STXBP5: variants seen among roughly 807,000 people sequenced by gnomAD.
The protein encoded by STXBP5 is syntaxin binding protein 5.
STXBP5 carries 50 observed loss-of-function variants against 152.4 expected under a neutral mutation model. That is an observed-to-expected ratio of 0.33 (90% confidence interval 0.26 to 0.42). STXBP5 has a LOEUF of 0.42. Ranked by LOEUF, STXBP5 falls within the 10% of genes least tolerant of loss-of-function variation. The pLI, the probability that STXBP5 is intolerant of heterozygous loss-of-function variation, is 1.00. For synonymous variants in STXBP5, 492 were observed against 494.7 expected (o/e 0.99, Z 0.07); for missense variants, 1,167 against 1,388.6 (o/e 0.84, Z 2.54).
At chr6:147,215,501 C>A (rs942085179) in intron 2 of STXBP5, among the ~76,000 whole-genome samples, 10 of 152,202 alleles carry the variant, frequency 6.6e-5, no homozygotes, top group African/African-American at 2.2e-4. Context: ...CCACCTCAGT[C>A]CCCCAAGTAG....
rs954521274 is a variant in STXBP5, at chr6:147,370,721, A to C, written c.3082-3010A>C. ...CACCTCAGGATTATAATTTATAAAC[A>C]AAACCCCAAGTAATCACTGTAAACA... On this transcript the variant is annotated intron_variant, in intron 25 of 27. Coordinates refer to ENST00000321680, the MANE Select transcript of STXBP5 (RefSeq NM_001127715.4). 5.3e-5 allele frequency among the ~76,000 whole-genome samples: 8 copies of C among 152,106 alleles called. 1 individual carries two copies. Among genetic ancestry groups the C allele is most frequent in the Admixed American group, 1.3e-4 (2 of 15,270 alleles).
chr6:147,358,469 T>A lies in STXBP5; in HGVS notation c.2306-615T>A, dbSNP rs568423759. Among the ~76,000 whole-genome samples, 209 of 152,248 alleles carry A rather than the reference T, an allele frequency of 1.4e-3. 1 individual carries two copies. The highest frequency in any genetic ancestry group is 4.7e-3 in the African/African-American group (195 of 41,546). On this transcript the variant is annotated intron_variant, in intron 22 of 27. Coordinates refer to ENST00000321680, the MANE Select transcript of STXBP5 (RefSeq NM_001127715.4). ...TTCTGAGGAGTGTGGAGTTGTTTGT[T>A]TGTATATTAAGAAAAAGGGAAAATT...
intron 18 of STXBP5, among the ~76,000 whole-genome samples, chr6:147,332,791 C>T (rs1355208744): frequency 6.6e-6 from 1 of 152,130 alleles, no homozygotes; most frequent in Non-Finnish European, 1.5e-5. Flanking sequence ...AAACTAAATC[C>T]TCTCTATCCA....
At chr6:147,326,266 A>G (rs571917171) in intron 17 of STXBP5, among the ~76,000 whole-genome samples, 2 of 152,244 alleles carry the variant, frequency 1.3e-5, no homozygotes, top group Non-Finnish European at 2.9e-5. Context: ...AATAAGAAAA[A>G]GAACCAATAG....
At chr6:147,300,003 T>C (rs1350051220) in intron 9 of STXBP5, among the ~76,000 whole-genome samples, 1 of 152,004 alleles carries the variant, frequency 6.6e-6, no homozygotes, top group Admixed American at 6.6e-5. Context: ...GTCAGTAACA[T>C]TTCTATATGC....
chr6:147,322,164 T>A lies in STXBP5; in HGVS notation c.1803-2795T>A, dbSNP rs578149991. On this transcript the variant is annotated intron_variant, in intron 16 of 27. Transcript: ENST00000321680. ...GGAGGACACTTCCTTGACCCTAACC[T>A]TCTATACCTAATTCATAGAAGTAGA... Among the ~76,000 whole-genome samples the A allele has an allele frequency of 6.3e-3, 957 of 152,266 alleles. 5 individuals are homozygous for A. The highest frequency in any genetic ancestry group is 9.6e-3 in the Non-Finnish European group (655 of 68,012).
rs934048320 is a variant in STXBP5 at position 147,310,387 on chromosome 6, T to G, written c.1072+149T>G. ...CTGCATTCATAATCTACAAACTTTA[T>G]TTCAGAAGTGGTTTAATAAATTTAA... On this transcript the variant is annotated intron_variant, in intron 10 of 27. Transcript: ENST00000321680. The G allele has an allele frequency of 7.0e-6, 4 of 570,066 alleles. No individual in the cohort carries two copies. The African/African-American group carries it at 7.8e-5, about 11-fold the overall frequency. The allele number at this position is 570,066 out of a possible 1,614,324, so 35.3% of individuals were successfully genotyped here. A position where few individuals can be genotyped will look rare whatever the true frequency, so the allele number is the denominator to read the frequency against.
At chr6:147,355,594 A>G (rs573793641) in intron 22 of STXBP5, among the ~76,000 whole-genome samples, 6 of 152,268 alleles carry the variant, frequency 3.9e-5, no homozygotes, top group Non-Finnish European at 8.8e-5. Flanking sequence ...CCTAACAGAA[A>G]GTTTTAGACT....
chr6:147,244,712 C>T (rs371629514), intron 4 of STXBP5, among the ~76,000 whole-genome samples: 5 of 152,076 alleles, frequency 3.3e-5, no homozygotes, highest in African/African-American at 1.2e-4. Context: ...TAATTTGAAG[C>T]ATTTGTAGTG....
chr6:147,311,655 G>T (rs1413174958), intron 11 of STXBP5, 128 bp downstream of exon 11: 1 of 644,416 alleles, frequency 1.6e-6, no homozygotes, highest in African/African-American at 1.9e-5. Context: ...GACCTCTTTT[G>T]AGAGCTCCAG....
At chr6:147,278,693 C>T (rs1311580308) in intron 8 of STXBP5, among the ~76,000 whole-genome samples, 1 of 152,024 alleles carries the variant, frequency 6.6e-6, no homozygotes, top group Non-Finnish European at 1.5e-5. Flanking sequence ...CAGGACTCAG[C>T]ATATAGTCAT....
chr6:147,246,911 C>T (rs2115254221), intron 4 of STXBP5, among the ~76,000 whole-genome samples: 1 of 152,268 alleles, frequency 6.6e-6, no homozygotes, highest in South Asian at 2.1e-4. Flanking sequence ...AATGAGTTGA[C>T]ACCCTAGCAT....
At chr6:147,338,586 C>T (rs1207576288) in intron 19 of STXBP5, among the ~76,000 whole-genome samples, 2 of 151,714 alleles carry the variant, frequency 1.3e-5, no homozygotes, top group Non-Finnish European at 2.9e-5. Context: ...TATTGGGAGT[C>T]ACAGCCAAAA....
chr6:147,361,087 T>C (rs9322098), intron 23 of STXBP5, among the ~76,000 whole-genome samples: 2,882 of 152,180 alleles, frequency 0.019, 84 homozygotes, highest in African/African-American at 0.065. Context: ...TCAGTTCTTA[T>C]TAGTAAATAT....
At chr6:147,366,047 G>A (rs891179210) in intron 25 of STXBP5, among the ~76,000 whole-genome samples, 2 of 152,190 alleles carry the variant, frequency 1.3e-5, no homozygotes, top group African/African-American at 2.4e-5. Context: ...CCTTAATAGA[G>A]TGTTCAGGAC....
intron 11 of STXBP5, among the ~76,000 whole-genome samples, chr6:147,312,398 T>G (rs1782428795): frequency 6.6e-6 from 1 of 152,190 alleles, no homozygotes; most frequent in Non-Finnish European, 1.5e-5. Flanking sequence ...TTAAGTATGG[T>G]TTTTAATTGA....
At chr6:147,296,005 C>G (rs1371329175) in intron 9 of STXBP5, among the ~76,000 whole-genome samples, 1 of 152,102 alleles carries the variant, frequency 6.6e-6, no homozygotes, top group Non-Finnish European at 1.5e-5. Flanking sequence ...CTGCTCAGTG[C>G]CTGTGGCCAG....
chr6:147,206,125 G>C lies in STXBP5; in HGVS notation c.248+57G>C, dbSNP rs144556057. The C allele has an allele frequency of 1.4e-5, 20 of 1,470,808 alleles. No individual in the cohort carries two copies. The East Asian group carries it at 4.3e-4, about 32-fold the overall frequency. The allele number at this position is 1,470,808 out of a possible 1,614,324, so 91.1% of individuals were successfully genotyped here. ...CTACTTTGTTCTCCCCAGTCCTTCT[G>C]TGTTGCTGATTAGTTCCAAAGAAAG... On this transcript the variant is annotated intron_variant, in intron 2 of 27. Coordinates refer to ENST00000321680, the MANE Select transcript of STXBP5 (RefSeq NM_001127715.4).
intron 4 of STXBP5, among the ~76,000 whole-genome samples, chr6:147,257,602 A>T (rs1335949036): frequency 6.6e-6 from 1 of 152,140 alleles, no homozygotes; most frequent in Admixed American, 6.5e-5. Context: ...AATCTTTAAG[A>T]AAAACAAGTG....
Sources: allele counts gnomAD v4.1 joint callset (sites outside exome capture counted in the v4.1 genomes callset), GRCh38; gene constraint gnomAD v4.1.1; transcripts MANE v1.5; gene names NCBI Gene and HGNC (gene_info 2026-07-23, HGNC 2026-07-21).